CEP162: variants seen among roughly 807,000 people sequenced by gnomAD.
The protein encoded by CEP162 is centrosomal protein of 162 kDa.
In CEP162, 141 loss-of-function variants were observed where a neutral mutation model predicts 169.2. That is an observed-to-expected ratio of 0.83 (90% CI 0.73 to 0.96). The LOEUF (loss-of-function observed/expected upper bound fraction) is 0.96, where lower values mean the gene tolerates loss of function less well. Ranked by LOEUF, CEP162 falls within the 40% of genes least tolerant of loss-of-function variation. CEP162 has a pLI of 0.00. For synonymous variants in CEP162, 540 were observed against 526.4 expected (o/e 1.03, Z -0.35); for missense variants, 1,600 against 1,587.2 (o/e 1.01, Z -0.14).
intron 25 of CEP162, among the ~76,000 whole-genome samples, chr6:84,132,240 G>A (rs1399400318): frequency 6.6e-6 from 1 of 152,142 alleles, no homozygotes; most frequent in African/African-American, 2.4e-5. Context: ...TCCCTTTGTG[G>A]GTAAGCTGAC....
intron 6 of CEP162, 115 bp downstream of exon 6, chr6:84,212,842 A>G (rs1051347888): frequency 1.5e-6 from 1 of 675,116 alleles, no homozygotes; most frequent in Non-Finnish European, 2.4e-6. Context: ...AACCCACTCT[A>G]TTCAAAGCTC....
chr6:84,213,832 C>T (rs2099550516), intron 5 of CEP162, among the ~76,000 whole-genome samples: 1 of 152,162 alleles, frequency 6.6e-6, no homozygotes, highest in Admixed American at 6.5e-5. Context: ...GTATTGACAA[C>T]GTTGGGAGAG....
Position 84,186,565 on chromosome 6 carries a change from T to C in CEP162, c.1168A>G (p.Met390Val), listed in dbSNP as rs148656585. 3 of 1,612,356 alleles carry C rather than the reference T, an allele frequency of 1.9e-6. No homozygotes were observed. Among genetic ancestry groups the C allele is most frequent in the East Asian group, 4.5e-5 (2 of 44,768 alleles). Residue 390 changes from methionine to valine, a missense_variant, in exon 12 of 27, where the codon ATG becomes GTG. Coordinates refer to ENST00000403245, the MANE Select transcript of CEP162 (RefSeq NM_014895.4). ...TEFFSSLPLK[M>V]NPNILSQDSQ... is the part of the protein sequence containing the mutation. The stretch of plus-strand genomic sequence containing the variant: ...TCTTGAGACAAAATATTTGGGTTCA[T>C]CTTCAGGGGTAAAGAGCTAAAAAAT...
chr6:84,133,151 C>T (rs556459119), intron 25 of CEP162, among the ~76,000 whole-genome samples: 4 of 152,274 alleles, frequency 2.6e-5, no homozygotes, highest in Non-Finnish European at 5.9e-5. Context: ...GCCTGGGTAT[C>T]ACCAGCAGAG....
intron 16 of CEP162, among the ~76,000 whole-genome samples, chr6:84,172,597 T>C (rs574512539): frequency 6.6e-6 from 1 of 152,196 alleles, no homozygotes; most frequent in Non-Finnish European, 1.5e-5. Flanking sequence ...GGCATACTTA[T>C]GGGTCTGTTA....
chr6:84,200,580 T>C (rs1486244011), intron 9 of CEP162, among the ~76,000 whole-genome samples: 2 of 152,204 alleles, frequency 1.3e-5, no homozygotes, highest in Non-Finnish European at 2.9e-5. Context: ...CAAATATTTA[T>C]TTAAAACCTC....
At chr6:84,149,838 T>C in intron 23 of CEP162, 135 bp from the exon 24 acceptor site, 1 of 585,892 alleles carries the variant, frequency 1.7e-6, no homozygotes, top group East Asian at 2.9e-5. Context: ...CTGCACTGTG[T>C]TAGGTGCTTT....
rs1280787487 is a variant in CEP162, at chr6:84,153,096, G to T, written c.3078C>A (p.Ala1026=). The change falls in exon 23 of 27, where the codon GCC becomes GCA. Residue 1026 remains alanine, a synonymous_variant. Transcript: ENST00000403245. ...TGATGTCATCAAGTTCCTTCTCTAGGGCTTTAATTCTGGGAGAGTCATGTT... is the reference window on the plus strand; with the variant it reads ...TGATGTCATCAAGTTCCTTCTCTAGTGCTTTAATTCTGGGAGAGTCATGTT... ...LNQHDSPRIK[A]LEKELDDIKE... The T allele has an allele frequency of 6.2e-7, 1 of 1,613,052 alleles. No homozygotes were observed.
intron 23 of CEP162, among the ~76,000 whole-genome samples, chr6:84,152,224 A>T (rs113915639): frequency 6.6e-6 from 1 of 152,208 alleles, no homozygotes; most frequent in Non-Finnish European, 1.5e-5. Flanking sequence ...ATAATAAACT[A>T]TGACATTCCT....
At chr6:84,204,242 C>A (rs547508901) in intron 6 of CEP162, 146 bp from the exon 7 acceptor site, 3 of 541,680 alleles carry the variant, frequency 5.5e-6, no homozygotes, top group Non-Finnish European at 9.7e-6. Context: ...AGAGAATCTA[C>A]AGAACTCTCC....
intron 13 of CEP162, among the ~76,000 whole-genome samples, chr6:84,179,865 A>G (rs1217509510): frequency 1.3e-5 from 2 of 151,958 alleles, no homozygotes; most frequent in Admixed American, 1.3e-4. Context: ...CCTACCAACC[A>G]AAAAAAAGTA....
At chr6:84,164,210 C>G (rs553452858) in intron 18 of CEP162, among the ~76,000 whole-genome samples, 1 of 152,170 alleles carries the variant, frequency 6.6e-6, no homozygotes, top group East Asian at 1.9e-4. Flanking sequence ...CAGATGCTGG[C>G]AAGGATGCGG....
chr6:84,185,469 C>T (rs1383725883), intron 12 of CEP162, 21 bp from the exon 13 acceptor site: 3 of 1,579,898 alleles, frequency 1.9e-6, no homozygotes, highest in Non-Finnish European at 2.6e-6. Context: ...CAAACAAAAG[C>T]TCTTTAGTAC....
intron 6 of CEP162, among the ~76,000 whole-genome samples, chr6:84,209,753 A>G (rs1434368496): frequency 6.6e-6 from 1 of 152,182 alleles, no homozygotes; most frequent in Non-Finnish European, 1.5e-5. Flanking sequence ...AAAAGTGCCA[A>G]TCTAATAAGC....
chr6:84,197,071 A>G (rs545643504), intron 9 of CEP162, among the ~76,000 whole-genome samples: 4 of 152,198 alleles, frequency 2.6e-5, no homozygotes, highest in Non-Finnish European at 5.9e-5. Context: ...AGGTTGAGCA[A>G]GTATCTGCTG....
At chr6:84,216,082 G>GA in intron 3 of CEP162, 160 bp from the exon 4 acceptor site, 4 of 848,186 alleles carry the variant, frequency 4.7e-6, no homozygotes, top group Non-Finnish European at 5.0e-6. Context: ...ACTCACAAAA[G>GA]AAAGATTATA....
At chr6:84,224,874 A>G (rs2099555108) in intron 2 of CEP162, among the ~76,000 whole-genome samples, 1 of 152,184 alleles carries the variant, frequency 6.6e-6, no homozygotes, top group Non-Finnish European at 1.5e-5. Context: ...ATTCCTATAA[A>G]TTTAATTTTC....
intron 6 of CEP162, among the ~76,000 whole-genome samples, chr6:84,208,149 G>C (rs1380354362): frequency 6.6e-6 from 1 of 150,626 alleles, no homozygotes; most frequent in Non-Finnish European, 1.5e-5. Flanking sequence ...TCCCAATCCT[G>C]AGTGCTTCTT....
intron 21 of CEP162, among the ~76,000 whole-genome samples, chr6:84,159,601 A>T (rs111863990): frequency 0.057 from 5,806 of 101,486 alleles, 174 homozygotes; most frequent in Admixed American, 0.11. Flanking sequence ...GTTTTGCTCC[A>T]TCACCCAGGC....
Sources: allele counts gnomAD v4.1 joint callset (sites outside exome capture counted in the v4.1 genomes callset), GRCh38; gene constraint gnomAD v4.1.1; transcripts MANE v1.5; gene names NCBI Gene and HGNC (gene_info 2026-07-23, HGNC 2026-07-21).